The following TMEM9 variants were observed in gnomAD, a reference collection of about 807,000 sequenced individuals.
TMEM9 encodes the protein transmembrane protein 9.
TMEM9 carries 13 observed loss-of-function variants against 22.8 expected under a neutral mutation model. That is an observed-to-expected ratio of 0.57 (90% CI 0.37 to 0.91). TMEM9 has a LOEUF of 0.91. Among genes scored for constraint, TMEM9 ranks in the 40% least tolerant of loss-of-function variants. The probability of loss-of-function intolerance (pLI) is 0.01; values close to 1 mark genes in which losing one functional copy is unlikely to be tolerated. For synonymous variants in TMEM9, 88 were observed against 93.0 expected, an observed-to-expected ratio of 0.95 and a Z score of 0.31; for missense variants, 182 against 238.1, an observed-to-expected ratio of 0.76 and a Z score of 1.55.
chr1:201,138,610 G>A (rs1373587332), intron 4 of TMEM9, among the ~76,000 whole-genome samples: 1 of 152,190 alleles, frequency 6.6e-6, no homozygotes. Context: ...GGACATGGAT[G>A]GATTCCCAGG....
intron 1 of TMEM9, among the ~76,000 whole-genome samples, chr1:201,169,126 G>GCAAAGC (rs141007142): frequency 0.015 from 2,224 of 152,160 alleles, 79 homozygotes; most frequent in African/African-American, 0.05. Flanking sequence ...TGCGGAAACT[G>GCAAAGC]CAAAGCTGTG....
chr1:201,150,795 G>A (rs12027043), intron 2 of TMEM9, among the ~76,000 whole-genome samples: 28,826 of 152,010 alleles, frequency 0.19, 2,744 homozygotes, highest in East Asian at 0.22. Context: ...GAGCAGTGGT[G>A]GTGGTACTGG....
At chr1:201,150,764 C>T (rs960919494) in intron 2 of TMEM9, among the ~76,000 whole-genome samples, 3 of 152,162 alleles carry the variant, frequency 2.0e-5, no homozygotes, top group South Asian at 2.1e-4. Context: ...ACCCTCACTC[C>T]GTATTTGAAG....
At chr1:201,159,945 C>T (rs1665901523) in intron 1 of TMEM9, among the ~76,000 whole-genome samples, 1 of 152,120 alleles carries the variant, frequency 6.6e-6, no homozygotes, top group African/African-American at 2.4e-5. Context: ...ACATGTTCTG[C>T]TCCCTCTGTT....
chr1:201,154,834 C>G (rs1031101058), upstream of TMEM9, among the ~76,000 whole-genome samples: 4 of 152,150 alleles, frequency 2.6e-5, no homozygotes, highest in East Asian at 7.7e-4. Flanking sequence ...TGTCCTCATT[C>G]AAAATCTGGA....
intron 1 of TMEM9, among the ~76,000 whole-genome samples, chr1:201,165,150 T>TTTTATATATATATATATA (rs1203599097): frequency 5.7e-5 from 5 of 87,076 alleles, no homozygotes; most frequent in Non-Finnish European, 1.3e-4. Context: ...TAAGAGAAAA[T>TTTTATATATATATATATA]TATATATATA....
chr1:201,144,871 C>CA (rs1424771781), intron 3 of TMEM9: 5 of 152,352 alleles, frequency 3.3e-5, no homozygotes, highest in African/African-American at 1.2e-4. Context: ...GACTCAAACC[C>CA]AGACTTGCTG....
At chr1:201,147,555 CG>C (rs1665077023) in intron 2 of TMEM9, among the ~76,000 whole-genome samples, 2 of 152,194 alleles carry the variant, frequency 1.3e-5, no homozygotes, top group Admixed American at 6.5e-5. Flanking sequence ...CTATCTTCCT[CG>C]GACAACCGCA....
At chr1:201,149,046 T>A (rs1233512958) in intron 2 of TMEM9, among the ~76,000 whole-genome samples, 1 of 152,196 alleles carries the variant, frequency 6.6e-6, no homozygotes, top group Non-Finnish European at 1.5e-5. Flanking sequence ...CATACCAGTA[T>A]TGCAGTGGAA....
chr1:201,155,717 G>A (rs1665771773), upstream of TMEM9, among the ~76,000 whole-genome samples: 1 of 152,322 alleles, frequency 6.6e-6, no homozygotes, highest in South Asian at 2.1e-4. Context: ...GTGAATTTGG[G>A]TGGTTTCCTT....
chr1:201,171,327 G>A (rs904145337), intron 1 of TMEM9, among the ~76,000 whole-genome samples: 1 of 152,212 alleles, frequency 6.6e-6, no homozygotes, highest in Non-Finnish European at 1.5e-5. Context: ...CTGGCCGCTG[G>A]GTCCCAGGCG....
At chr1:201,168,570 T>G (rs1666136091) in intron 1 of TMEM9, among the ~76,000 whole-genome samples, 1 of 151,992 alleles carries the variant, frequency 6.6e-6, no homozygotes, top group South Asian at 2.1e-4. Flanking sequence ...AATGCAAAAA[T>G]TAGCTGGGTG....
rs894294463 is a variant in TMEM9 at position 201,153,852 on chromosome 1, C to T, written c.66+6G>A. 13 of 1,614,084 alleles carry T rather than the reference C, an allele frequency of 8.1e-6. No individual in the cohort carries two copies. The highest frequency in any genetic ancestry group is 1.1e-5 in the Non-Finnish European group (13 of 1,180,030). On this transcript the variant is annotated splice_donor_region_variant and intron_variant, in intron 1 of 4. Transcript: ENST00000367330. The stretch of plus-strand genomic sequence containing the variant: ...TGACCAGGTGCTGCAGGCTCACCTC[C>T]CTCACCTTGTTGGCTTCAGCTGGGG...
intron 3 of TMEM9, chr1:201,146,464 T>C (rs1664978957): frequency 1.9e-6 from 1 of 534,204 alleles, no homozygotes; most frequent in Admixed American, 3.1e-5. Context: ...CGAAATAAAC[T>C]GTAAAGAATG....
At chr1:201,161,364 A>G (rs577957651) in intron 1 of TMEM9, among the ~76,000 whole-genome samples, 22 of 152,212 alleles carry the variant, frequency 1.4e-4, no homozygotes, top group Non-Finnish European at 3.1e-4. Context: ...TTGGAGACCC[A>G]CAGAGTCCTC....
chr1:201,139,343 CA>C (rs1664299970), intron 4 of TMEM9, among the ~76,000 whole-genome samples: 1 of 152,220 alleles, frequency 6.6e-6, no homozygotes, highest in Non-Finnish European at 1.5e-5. Context: ...GAGGACTATA[CA>C]GCCTCTCTGA....
At chr1:201,166,627 T>C (rs953532852) in intron 1 of TMEM9, among the ~76,000 whole-genome samples, 4 of 152,162 alleles carry the variant, frequency 2.6e-5, no homozygotes, top group African/African-American at 9.7e-5. Context: ...TCTCCCAAAG[T>C]GCTGGGATTA....
Position 201,153,849 on chromosome 1 carries a change from C to G in TMEM9, c.66+9G>C, listed in dbSNP as rs1183141798. On this transcript the variant is annotated intron_variant, in intron 1 of 4. Transcript: ENST00000367330. ...TCGTGACCAGGTGCTGCAGGCTCAC[C>G]TCCCTCACCTTGTTGGCTTCAGCTG... 4 of 1,614,054 alleles carry G rather than the reference C, an allele frequency of 2.5e-6. No homozygotes were observed. Among genetic ancestry groups the G allele is most frequent in the Non-Finnish European group, 3.4e-6 (4 of 1,180,012 alleles).
chr1:201,170,736 G>A (rs6413917), intron 1 of TMEM9, among the ~76,000 whole-genome samples: 133,926 of 152,238 alleles, frequency 0.88, 58,959 homozygotes, highest in East Asian at 0.93. Context: ...CATCAGGGTT[G>A]AACAGGGTGG....
Sources: allele counts gnomAD v4.1 joint callset (sites outside exome capture counted in the v4.1 genomes callset), GRCh38; gene constraint gnomAD v4.1.1; transcripts MANE v1.5; gene names NCBI Gene and HGNC (gene_info 2026-07-23, HGNC 2026-07-21).